The following TET1 variants were observed in gnomAD, a reference collection of about 807,000 sequenced individuals.
TET1 encodes methylcytosine dioxygenase TET1.
TET1 carries 13 observed loss-of-function variants against 148.7 expected under a neutral mutation model. That is an observed-to-expected ratio of 0.09 (90% CI 0.06 to 0.14). TET1 has a LOEUF of 0.14. TET1 is among the 10% of genes least tolerant of loss of function. The pLI is 1.00. For missense variants in TET1, 2,182 were observed against 2,553.8 expected, an observed-to-expected ratio of 0.85 and a Z score of 3.14; for synonymous variants, 907 against 937.2, an observed-to-expected ratio of 0.97 and a Z score of 0.59.
intron 9 of TET1, 89 bp downstream of exon 9, chr10:68,681,577 A>G: frequency 3.8e-6 from 3 of 796,118 alleles, no homozygotes; most frequent in Non-Finnish European, 6.0e-6. Flanking sequence ...TGGCATGATC[A>G]AAGCTTACTA....
chr10:68,578,922 T>C (rs2053762072), intron 2 of TET1, among the ~76,000 whole-genome samples: 1 of 151,952 alleles, frequency 6.6e-6, no homozygotes, highest in Non-Finnish European at 1.5e-5. Context: ...GATGCTGAGG[T>C]GGGAAGATTG....
intron 2 of TET1, among the ~76,000 whole-genome samples, chr10:68,583,942 C>A (rs2132820639): frequency 6.6e-6 from 1 of 152,064 alleles, no homozygotes; most frequent in East Asian, 1.9e-4. Context: ...ACTTCCAAAG[C>A]CCAAGCCCTG....
In TET1 at chr10:68,646,247, G is replaced by A. The variant is rs768586634; in HGVS notation, c.3518G>A (p.Arg1173Gln). The change falls in exon 4 of 12, where the codon CGG becomes CAG. Residue 1173 changes from arginine to glutamine, a missense_variant. By Grantham distance (43) the Arg-to-Gln change is conservative. Transcript: ENST00000373644. The stretch of plus-strand genomic sequence containing the variant: ...GTTGTAAGTTATCAAGAAAATGATC[G>A]GCAGAAGTGGGAAAAGTTGTCCTAT... ...PTVVSYQEND[R>Q]QKWEKLSYMY... is the part of the protein sequence containing the mutation. 9.9e-6 allele frequency: 16 copies of A among 1,613,964 alleles called. No individual in the cohort carries two copies. The highest frequency in any genetic ancestry group is 2.2e-5 in the East Asian group (1 of 44,898).
At chr10:68,678,946 C>T (rs2055399999) in intron 8 of TET1, among the ~76,000 whole-genome samples, 1 of 152,070 alleles carries the variant, frequency 6.6e-6, no homozygotes, top group African/African-American at 2.4e-5. Context: ...AAAGCTGAGG[C>T]AGGTGGATCA....
chr10:68,676,157 TTGTGTGTGTG>T (rs112413582), intron 8 of TET1, among the ~76,000 whole-genome samples: 13 of 129,192 alleles, frequency 1.0e-4, no homozygotes, highest in African/African-American at 3.3e-4. Context: ...ACCTGGCCTT[TTGTGTGTGTG>T]TGTGTGTGTG....
intron 3 of TET1, among the ~76,000 whole-genome samples, chr10:68,631,514 C>A (rs1289318387): frequency 7.0e-6 from 1 of 143,316 alleles, no homozygotes; most frequent in Non-Finnish European, 1.5e-5. Flanking sequence ...ATCTCCTTAT[C>A]CGCCCACTTC....
At chr10:68,570,967 TG>T (rs1253108248) in intron 1 of TET1, among the ~76,000 whole-genome samples, 1 of 151,234 alleles carries the variant, frequency 6.6e-6, no homozygotes, top group Non-Finnish European at 1.5e-5. Flanking sequence ...TTTCTATTTT[TG>T]TTATTTTATT....
At chr10:68,679,818 C>T (rs982396560) in intron 8 of TET1, among the ~76,000 whole-genome samples, 2 of 152,082 alleles carry the variant, frequency 1.3e-5, no homozygotes, top group Non-Finnish European at 2.9e-5. Context: ...GGACTACAGG[C>T]GCATGCCACC....
chr10:68,688,535 C>G (rs1006073984), intron 11 of TET1, among the ~76,000 whole-genome samples: 1 of 143,006 alleles, frequency 7.0e-6, no homozygotes, highest in Non-Finnish European at 1.5e-5. Context: ...CCCGGGTTCA[C>G]GCCATTCTCC....
At chr10:68,595,153 G>GAAAAAA (rs113065548) in intron 2 of TET1, among the ~76,000 whole-genome samples, 4 of 135,368 alleles carry the variant, frequency 3.0e-5, no homozygotes, top group African/African-American at 8.1e-5. Context: ...ACCCTATCAA[G>GAAAAAA]AAAAAAAAAA....
At chr10:68,592,394 C>T (rs1214632646) in intron 2 of TET1, among the ~76,000 whole-genome samples, 1 of 152,174 alleles carries the variant, frequency 6.6e-6, no homozygotes, top group Non-Finnish European at 1.5e-5. Context: ...CTTTAGTTCT[C>T]CCCTTGAAAA....
In TET1 at chr10:68,691,912, A is replaced by C; in HGVS notation, c.*98A>C. 6 of 1,372,676 alleles carry C rather than the reference A, an allele frequency of 4.4e-6. No individual in the cohort carries two copies. Among genetic ancestry groups the C allele is most frequent in the Non-Finnish European group, 4.9e-6 (5 of 1,018,966 alleles). The allele number at this position is 1,372,676 out of a possible 1,614,324, so 85.0% of individuals were successfully genotyped here. A position where few individuals can be genotyped will look rare whatever the true frequency, so the allele number is the denominator to read the frequency against. On this transcript the variant is annotated 3_prime_UTR_variant, in exon 12 of 12. Coordinates refer to ENST00000373644, the MANE Select transcript of TET1 (RefSeq NM_030625.3). This position sits in a 1 kb window ranked among gnomAD's most constrained non-coding sequence, Gnocchi z 4.4. ...TGTTGTCGTTTACTATCTTCATCTCACCCATTTCAAGTCTGAGGTAAAAAA... is the reference window on the plus strand; with the variant it reads ...TGTTGTCGTTTACTATCTTCATCTCCCCCATTTCAAGTCTGAGGTAAAAAA...
chr10:68,624,602 C>CTTTCTT (rs1554937995), intron 3 of TET1, among the ~76,000 whole-genome samples: 3 of 113,852 alleles, frequency 2.6e-5, no homozygotes, highest in Non-Finnish European at 5.5e-5. Flanking sequence ...TTTTCTTTTT[C>CTTTCTT]TCTTTCTTTC....
Position 68,625,982 on chromosome 10 carries a change from G to C in TET1, c.1969-18716G>C, listed in dbSNP as rs114809082. ...GCCTGCAGTCCCATCTACTCAGAAG[G>C]CTGAGGGGGGAGAATCACTTCAGCC... On this transcript the variant is annotated intron_variant, in intron 3 of 11. Coordinates refer to ENST00000373644, the MANE Select transcript of TET1 (RefSeq NM_030625.3). 4.4e-3 allele frequency among the ~76,000 whole-genome samples: 670 copies of C among 151,782 alleles called. 3 individuals carry two copies. The highest frequency in any genetic ancestry group is 0.015 in the African/African-American group (641 of 41,358).
intron 3 of TET1, among the ~76,000 whole-genome samples, chr10:68,625,849 G>T (rs2054469508): frequency 6.6e-6 from 1 of 152,006 alleles, no homozygotes; most frequent in Non-Finnish European, 1.5e-5. Flanking sequence ...CACTTTGGGA[G>T]GCTGAGGCAG....
At chr10:68,588,744 A>G (rs1302078210) in intron 2 of TET1, among the ~76,000 whole-genome samples, 2 of 152,098 alleles carry the variant, frequency 1.3e-5, no homozygotes, top group Non-Finnish European at 2.9e-5. Flanking sequence ...ATATTTTAAT[A>G]TTAAGGTGTT....
chr10:68,682,225 C>T (rs2055446274), intron 9 of TET1, among the ~76,000 whole-genome samples: 1 of 148,124 alleles, frequency 6.8e-6, no homozygotes, highest in Admixed American at 7.0e-5. Flanking sequence ...AATTCTCCTG[C>T]CTCAGCCTCC....
intron 3 of TET1, among the ~76,000 whole-genome samples, chr10:68,643,657 T>C (rs2054794679): frequency 1.3e-5 from 2 of 151,526 alleles, no homozygotes; most frequent in Non-Finnish European, 2.9e-5. Context: ...CCCATCTCTA[T>C]TAAAAATACA....
At chr10:68,613,306 C>G (rs933070726) in intron 3 of TET1, among the ~76,000 whole-genome samples, 12 of 152,042 alleles carry the variant, frequency 7.9e-5, no homozygotes, top group Non-Finnish European at 1.2e-4. Flanking sequence ...GCATAGACTA[C>G]TTGTTCCATT....
Sources: allele counts gnomAD v4.1 joint callset (sites outside exome capture counted in the v4.1 genomes callset), GRCh38; gene constraint gnomAD v4.1.1; non-coding constraint Gnocchi (gnomAD v3.1); transcripts MANE v1.5; gene names NCBI Gene and HGNC (gene_info 2026-07-23, HGNC 2026-07-21).